The following PRKG2 variants were observed in gnomAD, a reference collection of about 807,000 sequenced individuals.
PRKG2 encodes cGMP-dependent protein kinase 2.
A neutral mutation model predicts 97.2 loss-of-function variants in PRKG2; 33 were observed. The ratio of observed to expected loss-of-function variants is 0.34; its 90% CI spans 0.26 to 0.45. The LOEUF is 0.45. Ranked by LOEUF, PRKG2 falls within the 20% of genes least tolerant of loss-of-function variation. The pLI is 1.00. For synonymous variants in PRKG2, 330 were observed against 321.8 expected, an observed-to-expected ratio of 1.03 and a Z score of -0.27; for missense variants, 638 against 900.0, an observed-to-expected ratio of 0.71 and a Z score of 3.73.
chr4:81,196,001 G>C (rs565890121), intron 2 of PRKG2, among the ~76,000 whole-genome samples: 2 of 152,232 alleles, frequency 1.3e-5, no homozygotes, highest in South Asian at 4.2e-4. Context: ...TTCCTGGGTA[G>C]GTTATATAAG....
At chr4:81,109,885 C>T (rs1393914605) in intron 15 of PRKG2, among the ~76,000 whole-genome samples, 4 of 152,160 alleles carry the variant, frequency 2.6e-5, no homozygotes, top group African/African-American at 9.7e-5. Context: ...TTGGGAATGA[C>T]AATTCAATTT....
At chr4:81,216,322 C>A (rs940423324), upstream of PRKG2, among the ~76,000 whole-genome samples, 1 of 151,178 alleles carries the variant, frequency 6.6e-6, no homozygotes. Flanking sequence ...CACAAAGTAC[C>A]TTTTCATGAA....
chr4:81,144,715 G>A (rs184061309), intron 9 of PRKG2, among the ~76,000 whole-genome samples: 9 of 149,858 alleles, frequency 6.0e-5, no homozygotes, highest in East Asian at 2.0e-4. Context: ...CCATTAACTC[G>A]TCATTTACAT....
chr4:81,126,154 T>A (rs113351611), intron 14 of PRKG2, among the ~76,000 whole-genome samples: 3,933 of 152,306 alleles, frequency 0.026, 168 homozygotes, highest in African/African-American at 0.09. Context: ...TGTGTTAATT[T>A]GCTGAGAATG....
intron 15 of PRKG2, 125 bp downstream of exon 15, chr4:81,110,323 G>T (rs1399262253): frequency 2.0e-6 from 2 of 986,498 alleles, no homozygotes; most frequent in East Asian, 2.6e-5. Flanking sequence ...TGAGAAAAAG[G>T]TATCATACTT....
At chr4:81,160,274 C>G (rs1481629612) in intron 6 of PRKG2, among the ~76,000 whole-genome samples, 3 of 152,082 alleles carry the variant, frequency 2.0e-5, no homozygotes, top group Admixed American at 6.5e-5. Context: ...AAACTGTAAG[C>G]TTTTCTTACA....
chr4:81,172,149 G>A (rs747894904), intron 3 of PRKG2, among the ~76,000 whole-genome samples: 13 of 151,972 alleles, frequency 8.6e-5, no homozygotes, highest in Non-Finnish European at 1.5e-4. Context: ...CTGTGTGTTA[G>A]CTATTATTAA....
chr4:81,109,608 TAAAATGTAAATCATAAAATAATCATAATA>T (rs1355939948), intron 15 of PRKG2, among the ~76,000 whole-genome samples: 1 of 152,208 alleles, frequency 6.6e-6, no homozygotes, highest in South Asian at 2.1e-4. Flanking sequence ...TTCTAATCTA[TAAAATGTAAATCATAAAATAATCATAATA>T]AAAATGTAAA....
At chr4:81,176,426 T>C (rs1224037811) in intron 2 of PRKG2, among the ~76,000 whole-genome samples, 1 of 152,176 alleles carries the variant, frequency 6.6e-6, no homozygotes, top group East Asian at 1.9e-4. Context: ...GGATTTCATG[T>C]TCATCCAATT....
rs1741308154 is a variant in PRKG2, at chr4:81,089,073, G to GGGGA, written c.*634_*635insTCCC. ...GTTCCCCAATAGAAAATAATTACCT[G>GGGGA]ACTGGATTGATTGATTCAGTTACTT... On this transcript the variant is annotated 3_prime_UTR_variant, in exon 19 of 19. Coordinates refer to ENST00000264399, the MANE Select transcript of PRKG2 (RefSeq NM_006259.3). 1 of 152,020 alleles carries GGGGA rather than the reference G, an allele frequency of 6.6e-6. No homozygotes were observed. The highest frequency in any genetic ancestry group is 2.4e-5 in the African/African-American group (1 of 41,364). 9.4% of individuals were successfully genotyped at this position (152,020 alleles called of 1,614,324 possible).
At chr4:81,119,201 T>C (rs946022581) in intron 14 of PRKG2, among the ~76,000 whole-genome samples, 2 of 152,228 alleles carry the variant, frequency 1.3e-5, no homozygotes, top group African/African-American at 4.8e-5. Context: ...CATAGTCCTC[T>C]AGATTTCCTC....
At chr4:81,173,572 T>G (rs1170717671) in intron 3 of PRKG2, among the ~76,000 whole-genome samples, 1 of 152,084 alleles carries the variant, frequency 6.6e-6, no homozygotes, top group Non-Finnish European at 1.5e-5. Flanking sequence ...GCTGGCTAAA[T>G]TAAGACTATA....
intron 2 of PRKG2, among the ~76,000 whole-genome samples, chr4:81,197,864 G>A (rs1382561783): frequency 6.6e-6 from 1 of 152,182 alleles, no homozygotes; most frequent in Non-Finnish European, 1.5e-5. Flanking sequence ...TGGATTCATT[G>A]ATTCAATATT....
Position 81,198,924 on chromosome 4 carries a change from T to C in PRKG2, c.461+5663A>G, listed in dbSNP as rs374951589. ...GCATACTGACAACTTTCACCAGATA[T>C]ATCACCCAGTTACCTTCACCATAGA... On this transcript the variant is annotated intron_variant, in intron 2 of 18. Coordinates refer to ENST00000264399, the MANE Select transcript of PRKG2 (RefSeq NM_006259.3). Among the ~76,000 whole-genome samples, 89 of 152,336 alleles carry C rather than the reference T, an allele frequency of 5.8e-4. 1 individual carries two copies. In the East Asian group the frequency reaches 7.9e-3, roughly 14 times the overall value.
At position 81,198,268 on chromosome 4, in the gene PRKG2, G is replaced by C. The variant is rs1322277892; in HGVS notation, c.461+6319C>G. On this transcript the variant is annotated intron_variant, in intron 2 of 18. Transcript: ENST00000264399. ...TGAGAGGCTGAGAGGGCTGAGGTGG[G>C]GAAGCAGAGTGAGCAGAGCCCAGAG... Among the ~76,000 whole-genome samples the C allele has an allele frequency of 2.6e-5, 4 of 152,228 alleles. No homozygotes were observed. The East Asian group carries it at 7.7e-4, about 29-fold the overall frequency.
rs144945547 is a variant in PRKG2 at position 81,205,959 on chromosome 4, T to C, written c.-13-899A>G. Among the ~76,000 whole-genome samples the C allele has an allele frequency of 1.5e-3, 225 of 152,386 alleles. 1 individual carries two copies. The highest frequency in any genetic ancestry group is 2.6e-3 in the Non-Finnish European group (179 of 68,042). ...AGAACTTGTTTTAGTCTAATAGCTA[T>C]GTATTTATTTTAACATGTATTTGAA... is the stretch of plus-strand genomic sequence containing the variant. On this transcript the variant is annotated intron_variant, in intron 1 of 18. Transcript: ENST00000264399.
At position 81,089,578 on chromosome 4, in the gene PRKG2, T is replaced by C. The variant is rs972615757; in HGVS notation, c.*130A>G. 1 of 647,812 alleles carries C rather than the reference T, an allele frequency of 1.5e-6. No individual in the cohort carries two copies. The highest frequency in any genetic ancestry group is 2.2e-5 in the South Asian group (1 of 45,676). The allele number at this position is 647,812 out of a possible 1,614,324, so 40.1% of individuals were successfully genotyped here. ...CCACACCATTCTCCTCTTCCCATTG[T>C]GCAGGAATTTCTTTTCCCTAATGGT... On this transcript the variant is annotated 3_prime_UTR_variant, in exon 19 of 19. Transcript: ENST00000264399.
Position 81,089,046 on chromosome 4 carries a change from A to G in PRKG2, c.*662T>C, listed in dbSNP as rs1741306097. On this transcript the variant is annotated 3_prime_UTR_variant, in exon 19 of 19. Coordinates refer to ENST00000264399, the MANE Select transcript of PRKG2 (RefSeq NM_006259.3). Reference sequence around the variant, plus strand: ...TATTTCTTGCTTTACTTTTTTTTCTAAGTTCCCCAATAGAAAATAATTACC... The same window carrying G: ...TATTTCTTGCTTTACTTTTTTTTCTGAGTTCCCCAATAGAAAATAATTACC... 6.6e-6 allele frequency: 1 copy of G among 152,100 alleles called. No homozygotes were observed. The highest frequency in any genetic ancestry group is 1.5e-5 in the Non-Finnish European group (1 of 68,004). 9.4% of individuals were successfully genotyped at this position (152,100 alleles called of 1,614,324 possible). A position where few individuals can be genotyped will look rare whatever the true frequency, so the allele number is the denominator to read the frequency against.
chr4:81,144,383 C>T lies in PRKG2; in HGVS notation c.1155-53G>A, dbSNP rs977735012. 1.3e-5 allele frequency: 18 copies of T among 1,394,206 alleles called. No homozygotes were observed. The African/African-American group carries it at 1.4e-4, about 11-fold the overall frequency. 86.4% of individuals were successfully genotyped at this position (1,394,206 alleles called of 1,614,324 possible). A position where few individuals can be genotyped will look rare whatever the true frequency, so the allele number is the denominator to read the frequency against. ...TCCGTGCTGATAGTTACCAAGGCAA[C>T]TTGACATTCTTCTAAGCTCATAAAA... On this transcript the variant is annotated intron_variant, in intron 9 of 18. Coordinates refer to ENST00000264399, the MANE Select transcript of PRKG2 (RefSeq NM_006259.3).
Sources: allele counts gnomAD v4.1 joint callset (sites outside exome capture counted in the v4.1 genomes callset), GRCh38; gene constraint gnomAD v4.1.1; transcripts MANE v1.5; gene names NCBI Gene and HGNC (gene_info 2026-07-23, HGNC 2026-07-21).